Variants in CAMTA1 observed in about 807,000 individuals in gnomAD.
CAMTA1 encodes the protein calmodulin binding transcription activator 1.
Under a neutral mutation model 170.9 loss-of-function variants are expected in CAMTA1, and 27 were observed. The ratio of observed to expected loss-of-function variants is 0.16; its 90% CI spans 0.12 to 0.22. The LOEUF is 0.22. Among genes scored for constraint, CAMTA1 ranks in the 10% least tolerant of loss-of-function variants. The probability of loss-of-function intolerance (pLI) is 1.00; values close to 1 mark genes in which losing one functional copy is unlikely to be tolerated. For synonymous variants in CAMTA1, 833 were observed against 891.5 expected (o/e 0.93, Z 1.17); for missense variants, 1,619 against 2,217.2 (o/e 0.73, Z 5.42).
At chr1:7,276,289 A>ATTTTTTTTTTTTTTT (rs1393755906) in intron 5 of CAMTA1, among the ~76,000 whole-genome samples, 1 of 53,538 alleles carries the variant, frequency 1.9e-5, no homozygotes, top group Non-Finnish European at 2.9e-5. Context: ...ATATATATAT[A>ATTTTTTTTTTTTTTT]TATATATATA....
chr1:6,866,932 C>T (rs907824592), intron 3 of CAMTA1, among the ~76,000 whole-genome samples: 2 of 152,210 alleles, frequency 1.3e-5, no homozygotes, highest in South Asian at 2.1e-4. Flanking sequence ...TCAGGGATGG[C>T]GGCTCCCGTG....
chr1:7,239,855 G>GA (rs61352940), intron 4 of CAMTA1, among the ~76,000 whole-genome samples: 1 of 152,072 alleles, frequency 6.6e-6, no homozygotes, highest in African/African-American at 2.4e-5. Flanking sequence ...GGAAGGGCAA[G>GA]AGAGGGCAAG....
chr1:7,108,824 G>T (rs1305259822), intron 4 of CAMTA1, among the ~76,000 whole-genome samples: 1 of 152,194 alleles, frequency 6.6e-6, no homozygotes, highest in Non-Finnish European at 1.5e-5. Context: ...ATTTTGCCCT[G>T]TCTGTCAGTC....
chr1:7,417,888 C>T (rs1447535335), intron 5 of CAMTA1, among the ~76,000 whole-genome samples: 2 of 152,088 alleles, frequency 1.3e-5, no homozygotes, highest in Admixed American at 6.5e-5. Context: ...AGCTATAGAC[C>T]CGAGCTGTTC....
At chr1:6,995,377 C>T (rs1254308597) in intron 3 of CAMTA1, among the ~76,000 whole-genome samples, 1 of 131,182 alleles carries the variant, frequency 7.6e-6, no homozygotes, top group Non-Finnish European at 1.5e-5. Flanking sequence ...GATCTTGGCT[C>T]ACTGCAACCT....
intron 6 of CAMTA1, among the ~76,000 whole-genome samples, chr1:7,537,151 G>A (rs995353696): frequency 1.3e-5 from 2 of 152,196 alleles, no homozygotes; most frequent in Non-Finnish European, 2.9e-5. Flanking sequence ...TTCGGAGCTC[G>A]CAGGCATGTG....
intron 4 of CAMTA1, among the ~76,000 whole-genome samples, chr1:7,105,939 C>CA (rs35981857): frequency 0.15 from 21,630 of 143,292 alleles, 1,660 homozygotes; most frequent in East Asian, 0.3. Context: ...GACCATGTCT[C>CA]AAAAAAAAAA....
chr1:7,152,660 C>T (rs563807900), intron 4 of CAMTA1, among the ~76,000 whole-genome samples: 6 of 152,192 alleles, frequency 3.9e-5, no homozygotes, highest in Non-Finnish European at 8.8e-5. Flanking sequence ...TTGCTCAATT[C>T]CCAGCAGGCT....
At position 7,634,730 on chromosome 1, in the gene CAMTA1, G is replaced by T. The variant is rs35187258; in HGVS notation, c.511-5670G>T. ...GGGGCTCTAAGCAGCAGAAGTGCCC[G>T]CTGGAGGCTTAACTCTGCTCACCCT... On this transcript the variant is annotated intron_variant, in intron 6 of 22. Transcript: ENST00000303635. This position sits in a 1 kb window ranked among gnomAD's most constrained non-coding sequence, Gnocchi z 6.2. Among the ~76,000 whole-genome samples, 1 of 152,028 alleles carries T rather than the reference G, an allele frequency of 6.6e-6. No individual in the cohort carries two copies. The highest frequency in any genetic ancestry group is 2.4e-5 in the African/African-American group (1 of 41,370).
At chr1:6,986,362 C>T (rs978425528) in intron 3 of CAMTA1, among the ~76,000 whole-genome samples, 2 of 152,146 alleles carry the variant, frequency 1.3e-5, no homozygotes, top group Non-Finnish European at 2.9e-5. Context: ...GGGGATACCA[C>T]CCAAGATGTG....
At position 7,067,285 on chromosome 1, in the gene CAMTA1, ACTCAGGGTCT is replaced by A. The variant is rs1337553918; in HGVS notation, c.235-24015_235-24006del. ...GGGCTGGGAAGTTCCTGTCCCTTGT[ACTCAGGGTCT>A]CTCTTCCCTGGACAGTGCTAGACAA... is the stretch of plus-strand genomic sequence containing the variant. On this transcript the variant is annotated intron_variant, in intron 3 of 22. Coordinates refer to ENST00000303635, the MANE Select transcript of CAMTA1 (RefSeq NM_015215.4). This position sits in a 1 kb window ranked among gnomAD's most constrained non-coding sequence, Gnocchi z 4.3. 1.3e-5 allele frequency among the ~76,000 whole-genome samples: 2 copies of A among 152,142 alleles called. No individual in the cohort carries two copies. Among genetic ancestry groups the A allele is most frequent in the African/African-American group, 4.8e-5 (2 of 41,430 alleles).
At chr1:7,684,537 A>G (rs991406002) in intron 11 of CAMTA1, among the ~76,000 whole-genome samples, 1 of 152,086 alleles carries the variant, frequency 6.6e-6, no homozygotes, top group Non-Finnish European at 1.5e-5. Flanking sequence ...GTGGCTGCTG[A>G]TCATCGTTAT....
At chr1:7,264,761 G>C (rs980378770) in intron 5 of CAMTA1, among the ~76,000 whole-genome samples, 15 of 152,074 alleles carry the variant, frequency 9.9e-5, no homozygotes, top group Non-Finnish European at 1.6e-4. Context: ...GATCTGAAAG[G>C]GGAAAAAATA....
intron 6 of CAMTA1, among the ~76,000 whole-genome samples, chr1:7,531,177 G>A (rs1404266830): frequency 6.6e-6 from 1 of 151,608 alleles, no homozygotes; most frequent in African/African-American, 2.4e-5. Context: ...TGGATGGGAG[G>A]GAGGGAGGGA....
chr1:7,556,043 C>T (rs2094872498), intron 6 of CAMTA1, among the ~76,000 whole-genome samples: 1 of 152,182 alleles, frequency 6.6e-6, no homozygotes, highest in Admixed American at 6.5e-5. Context: ...AGCAGGGAGT[C>T]CATCAAGAGG....
intron 11 of CAMTA1, chr1:7,700,654 G>A (rs926501149): frequency 6.6e-6 from 1 of 152,208 alleles, no homozygotes; most frequent in African/African-American, 2.4e-5. Context: ...CAATTGCCAG[G>A]GCCGGGGGAA....
rs2096135336 is a variant in CAMTA1 at position 7,677,592 on chromosome 1, C to T, written c.2780-7C>T. On this transcript the variant is annotated splice_region_variant and splice_polypyrimidine_tract_variant and intron_variant, in intron 10 of 22. Coordinates refer to ENST00000303635, the MANE Select transcript of CAMTA1 (RefSeq NM_015215.4). Reference sequence around the variant, plus strand: ...CCCTTGACCTGGTCTTTTTCTCTCGCTTTCAGCCCATGACACTGGTCTTGT... The same window carrying T: ...CCCTTGACCTGGTCTTTTTCTCTCGTTTTCAGCCCATGACACTGGTCTTGT... 6.2e-7 allele frequency: 1 copy of T among 1,612,908 alleles called. No individual in the cohort carries two copies. The highest frequency in any genetic ancestry group is 1.1e-5 in the South Asian group (1 of 90,830).
At position 7,351,547 on chromosome 1, in the gene CAMTA1, G is replaced by A. The variant is rs576827083; in HGVS notation, c.438+101921G>A. 4.4e-4 allele frequency among the ~76,000 whole-genome samples: 67 copies of A among 152,342 alleles called. 1 individual carries two copies. The South Asian group carries it at 0.014, about 32-fold the overall frequency. On this transcript the variant is annotated intron_variant, in intron 5 of 22. Coordinates refer to ENST00000303635, the MANE Select transcript of CAMTA1 (RefSeq NM_015215.4). ...CTGCCCAGCGTGGAGGTCAGTGACT[G>A]AGCACACACAGGTCTTCGGCCAAGG...
chr1:7,312,272 G>T (rs1308845751), intron 5 of CAMTA1, among the ~76,000 whole-genome samples: 1 of 151,926 alleles, frequency 6.6e-6, no homozygotes, highest in African/African-American at 2.4e-5. Context: ...ACCCAGGATT[G>T]CCTGGGGGCT....
Sources: allele counts gnomAD v4.1 joint callset (sites outside exome capture counted in the v4.1 genomes callset), GRCh38; gene constraint gnomAD v4.1.1; non-coding constraint Gnocchi (gnomAD v3.1); transcripts MANE v1.5; gene names NCBI Gene and HGNC (gene_info 2026-07-23, HGNC 2026-07-21).